Variants in PLEKHA5 observed in about 807,000 individuals in gnomAD.
PLEKHA5 encodes the protein pleckstrin homology domain-containing family A member 5.
In PLEKHA5, 55 loss-of-function variants were observed where a neutral mutation model predicts 181.9. The observed-to-expected ratio is 0.30, with a 90% CI of 0.24 to 0.38. The LOEUF (loss-of-function observed/expected upper bound fraction) is 0.38. Ranked by LOEUF, PLEKHA5 falls within the 10% of genes least tolerant of loss-of-function variation. The probability of loss-of-function intolerance (pLI) is 1.00; values close to 1 mark genes in which losing one functional copy is unlikely to be tolerated. For missense variants in PLEKHA5, 1,432 were observed against 1,549.5 expected (o/e 0.92, Z 1.27); for synonymous variants, 535 against 529.4 (o/e 1.01, Z -0.15).
chr12:19,261,064 T>C, intron 7 of PLEKHA5, 43 bp downstream of exon 7: 1 of 1,046,580 alleles, frequency 9.6e-7, no homozygotes, highest in Non-Finnish European at 1.5e-6. Flanking sequence ...TTGTAATTGA[T>C]ATGTAATATA....
In PLEKHA5 at chr12:19,130,189, C is replaced by A; in HGVS notation, c.169+59C>A. On this transcript the variant is annotated intron_variant, in intron 2 of 31. Transcript: ENST00000429027. This position sits in a 1 kb window ranked among gnomAD's most constrained non-coding sequence, Gnocchi z 4.5. The stretch of plus-strand genomic sequence containing the variant: ...CTGGAGGAGGCGGCAGAGCCCGGGC[C>A]GCCCGGCTCCCCGCAACCTGCCCCG... 8.5e-7 allele frequency: 1 copy of A among 1,183,010 alleles called. No homozygotes were observed. The allele number at this position is 1,183,010 out of a possible 1,614,324, so 73.3% of individuals were successfully genotyped here. A position where few individuals can be genotyped will look rare whatever the true frequency, so the allele number is the denominator to read the frequency against.
intron 3 of PLEKHA5, among the ~76,000 whole-genome samples, chr12:19,235,500 T>C (rs1008575534): frequency 6.6e-6 from 1 of 152,174 alleles, no homozygotes; most frequent in South Asian, 2.1e-4. Flanking sequence ...ACACTTACAA[T>C]GTGGTAAGCA....
chr12:19,289,219 C>T (rs958477601), intron 13 of PLEKHA5, among the ~76,000 whole-genome samples: 1 of 152,154 alleles, frequency 6.6e-6, no homozygotes, highest in African/African-American at 2.4e-5. Flanking sequence ...ATTTAATATA[C>T]AGTAAAAAAC....
rs1457508415 is a variant in PLEKHA5 at position 19,369,734 on chromosome 12, G to A, written c.3796G>A (p.Val1266Ile). The A allele has an allele frequency of 6.2e-7, 1 of 1,612,850 alleles. No homozygotes were observed. Among genetic ancestry groups the A allele is most frequent in the South Asian group, 1.1e-5 (1 of 90,910 alleles). The change falls in exon 31 of 32, where the codon GTT becomes ATT. Residue 1266 changes from valine (V) to isoleucine (I), a missense_variant. By Grantham distance (29) the Val-to-Ile change is conservative. Transcript: ENST00000429027. ...SPSPESSASPVPSTQPQLTEG... is the reference protein window; with the variant it reads ...SPSPESSASPIPSTQPQLTEG... ...ATCTCCTGAGTCCTCGGCATCGCCA[G>A]TTCCATCCACTCAGCCGCAGCTCAC...
In PLEKHA5 at chr12:19,336,438, A is replaced by G. The variant is rs547126758; in HGVS notation, c.2449-77A>G. 340 of 753,342 alleles carry G rather than the reference A, an allele frequency of 4.5e-4. 6 individuals carry two copies. In the South Asian group the frequency reaches 5.4e-3, roughly 12 times the overall value. 46.7% of individuals were successfully genotyped at this position (753,342 alleles called of 1,614,324 possible). ...TAAACTATATGACTTTCTAAAATCT[A>G]GAAAGTTACAATTGGAGTGATAACA... On this transcript the variant is annotated intron_variant, in intron 20 of 31. Coordinates refer to ENST00000429027, the MANE Select transcript of PLEKHA5 (RefSeq NM_001256470.2).
chr12:19,266,192 A>G (rs1332408373), intron 8 of PLEKHA5, among the ~76,000 whole-genome samples: 7 of 152,074 alleles, frequency 4.6e-5, no homozygotes, highest in African/African-American at 1.7e-4. Flanking sequence ...TTAATAATAA[A>G]TTTGGGGTCT....
At chr12:19,335,524 T>C (rs1480727560) in intron 20 of PLEKHA5, among the ~76,000 whole-genome samples, 5 of 150,722 alleles carry the variant, frequency 3.3e-5, no homozygotes, top group Non-Finnish European at 7.4e-5. Context: ...CAAGCGATTC[T>C]CCTGCCTCAG....
At chr12:19,305,941 T>G (rs560258230) in intron 15 of PLEKHA5, among the ~76,000 whole-genome samples, 1 of 139,314 alleles carries the variant, frequency 7.2e-6, no homozygotes, top group South Asian at 2.4e-4. Flanking sequence ...TTGGCTGGAC[T>G]TGGTGGCGCA....
rs372788213 is a variant in PLEKHA5 at position 19,283,514 on chromosome 12, G to A, written c.1548G>A (p.Gln516=). The change falls in exon 12 of 32, where the codon CAG becomes CAA. Residue 516 remains glutamine, a synonymous_variant. Coordinates refer to ENST00000429027, the MANE Select transcript of PLEKHA5 (RefSeq NM_001256470.2). ...MWQLYEWQQR[Q]FYNKQSTLPR... is the part of the protein sequence containing the mutation. ...AGCTCTACGAATGGCAGCAGCGTCA[G>A]TTTTATAACAAACAGAGCACCCTCC... 8 of 1,614,064 alleles carry A rather than the reference G, an allele frequency of 5.0e-6. No individual in the cohort carries two copies. The African/African-American group carries it at 6.7e-5, about 13-fold the overall frequency.
At chr12:19,370,400 A>G (rs2095545149) in intron 31 of PLEKHA5, among the ~76,000 whole-genome samples, 1 of 152,232 alleles carries the variant, frequency 6.6e-6, no homozygotes, top group African/African-American at 2.4e-5. Context: ...GCACAGATTT[A>G]TAATTGAGAA....
At chr12:19,179,614 T>G (rs1190315927) in intron 3 of PLEKHA5, among the ~76,000 whole-genome samples, 4 of 152,140 alleles carry the variant, frequency 2.6e-5, no homozygotes, top group Non-Finnish European at 5.9e-5. Flanking sequence ...GAGCCAAGAC[T>G]GCACCGTTGG....
At chr12:19,348,746 C>CT (rs1381129056) in intron 25 of PLEKHA5, among the ~76,000 whole-genome samples, 10 of 152,060 alleles carry the variant, frequency 6.6e-5, no homozygotes, top group African/African-American at 1.4e-4. Flanking sequence ...AGGCAGCACC[C>CT]TTTTTTTAAC....
chr12:19,251,516 T>G (rs2065278600), intron 3 of PLEKHA5, among the ~76,000 whole-genome samples: 1 of 151,542 alleles, frequency 6.6e-6, no homozygotes, highest in Non-Finnish European at 1.5e-5. Context: ...ATGTTTGAGG[T>G]GTGTGCAGAT....
At chr12:19,241,357 A>C (rs897596635) in intron 3 of PLEKHA5, among the ~76,000 whole-genome samples, 5 of 152,190 alleles carry the variant, frequency 3.3e-5, no homozygotes, top group African/African-American at 1.2e-4. Flanking sequence ...GATAGACTCA[A>C]TAGTGAAGAG....
intron 12 of PLEKHA5, among the ~76,000 whole-genome samples, chr12:19,287,066 C>A (rs933376701): frequency 6.6e-6 from 1 of 152,012 alleles, no homozygotes; most frequent in African/African-American, 2.4e-5. Context: ...GGTGCTATCT[C>A]GGCTCACTGC....
intron 30 of PLEKHA5, among the ~76,000 whole-genome samples, chr12:19,369,334 C>CAA (rs34563287): frequency 5.0e-4 from 70 of 139,376 alleles, no homozygotes; most frequent in Middle Eastern, 3.6e-3. Context: ...CACGCCCAGC[C>CAA]AAAAAAAAAA....
At chr12:19,320,169 A>T in intron 17 of PLEKHA5, 113 bp downstream of exon 17, 1 of 429,482 alleles carries the variant, frequency 2.3e-6, no homozygotes, top group South Asian at 4.3e-5. Context: ...TATACCGTGA[A>T]GGATGGTTTT....
At chr12:19,221,461 C>G (rs2058917166) in intron 3 of PLEKHA5, among the ~76,000 whole-genome samples, 2 of 152,120 alleles carry the variant, frequency 1.3e-5, no homozygotes, top group Admixed American at 1.3e-4. Context: ...GTGGAAAGAC[C>G]AGGGGTTTAG....
chr12:19,319,349 T>C (rs2153031079), intron 16 of PLEKHA5, among the ~76,000 whole-genome samples: 1 of 152,286 alleles, frequency 6.6e-6, no homozygotes, highest in Admixed American at 6.5e-5. Flanking sequence ...CCAGGATTTA[T>C]TGTATGTTTG....
Sources: gnomAD v4.1 joint callset for allele counts (sites outside exome capture counted in the v4.1 genomes callset) on GRCh38, gnomAD v4.1.1 for gene constraint, Gnocchi (gnomAD v3.1) non-coding constraint, MANE v1.5 for transcripts, NCBI Gene and HGNC (gene_info 2026-07-23, HGNC 2026-07-21) for gene names.